The following LEKR1 variants were observed in gnomAD, a reference collection of about 807,000 sequenced individuals.
LEKR1 encodes leucine, glutamate and lysine rich 1, also known as protein LEKR1.
LEKR1 carries 59 observed loss-of-function variants against 72.4 expected under a neutral mutation model. The observed-to-expected ratio is 0.82, with a 90% CI of 0.66 to 1.01. The LOEUF is 1.01. Ranked by LOEUF, LEKR1 falls within the 50% of genes least tolerant of loss-of-function variation. The probability of loss-of-function intolerance (pLI) is 0.00; values close to 1 mark genes in which losing one functional copy is unlikely to be tolerated. For synonymous variants in LEKR1, 257 were observed against 263.2 expected (o/e 0.98, Z 0.23); for missense variants, 728 against 759.2 (o/e 0.96, Z 0.48).
At chr3:157,035,036 T>C (rs954595220) in intron 12 of LEKR1, among the ~76,000 whole-genome samples, 1 of 152,200 alleles carries the variant, frequency 6.6e-6, no homozygotes, top group African/African-American at 2.4e-5. Flanking sequence ...CAGCAGAAGA[T>C]ACAACTTGCT....
chr3:157,006,870 G>C (rs913512268), intron 9 of LEKR1, among the ~76,000 whole-genome samples: 3 of 105,540 alleles, frequency 2.8e-5, no homozygotes, highest in African/African-American at 7.7e-5. Flanking sequence ...AGAAACCAAA[G>C]TATTGATTGC....
chr3:156,979,856 A>T (rs1274278984), intron 7 of LEKR1: 2 of 152,324 alleles, frequency 1.3e-5, no homozygotes, highest in Non-Finnish European at 2.9e-5. Flanking sequence ...CCACAAAAAA[A>T]TACAAAAATT....
intron 7 of LEKR1, among the ~76,000 whole-genome samples, chr3:156,980,936 T>C (rs1182042478): frequency 6.6e-6 from 1 of 152,208 alleles, no homozygotes; most frequent in Non-Finnish European, 1.5e-5. Context: ...CATAATGACA[T>C]TTTGGTCAGT....
At chr3:156,848,173 T>C (rs1325078536) in intron 2 of LEKR1, among the ~76,000 whole-genome samples, 1 of 152,198 alleles carries the variant, frequency 6.6e-6, no homozygotes, top group Non-Finnish European at 1.5e-5. Context: ...AAAATATCCA[T>C]CTGTTCCTAA....
At chr3:156,996,892 C>A (rs967979626) in intron 9 of LEKR1, among the ~76,000 whole-genome samples, 1 of 151,964 alleles carries the variant, frequency 6.6e-6, no homozygotes, top group African/African-American at 2.4e-5. Flanking sequence ...TAGTGAAACC[C>A]CGTCTCTTCT....
At chr3:156,834,342 A>T (rs777464974) in intron 2 of LEKR1, among the ~76,000 whole-genome samples, 6 of 152,198 alleles carry the variant, frequency 3.9e-5, no homozygotes, top group Non-Finnish European at 8.8e-5. Context: ...CTTCCTTTAC[A>T]AGATCAATGT....
chr3:156,944,224 G>T (rs1224819835), intron 6 of LEKR1, among the ~76,000 whole-genome samples: 1 of 151,130 alleles, frequency 6.6e-6, no homozygotes, highest in African/African-American at 2.4e-5. Context: ...AATTTATTTT[G>T]ATTTTATTTA....
chr3:156,918,933 A>G (rs1417590986), intron 3 of LEKR1, among the ~76,000 whole-genome samples: 1 of 152,182 alleles, frequency 6.6e-6, no homozygotes, highest in African/African-American at 2.4e-5. Context: ...GTTGCGAGGT[A>G]CGGCCTCATC....
intron 4 of LEKR1, chr3:156,924,415 A>C (rs1481760399): frequency 1.7e-6 from 1 of 572,854 alleles, no homozygotes; most frequent in Non-Finnish European, 3.1e-6. Context: ...CCAGTGGCTT[A>C]TCTTTTTATT....
chr3:156,970,266 G>A (rs1371266811), intron 6 of LEKR1, among the ~76,000 whole-genome samples: 1 of 152,152 alleles, frequency 6.6e-6, no homozygotes, highest in African/African-American at 2.4e-5. Context: ...TGGAAGTTCT[G>A]GCCAGGGCAA....
intron 6 of LEKR1, among the ~76,000 whole-genome samples, chr3:156,967,196 C>T (rs1051268731): frequency 3.3e-5 from 5 of 152,164 alleles, no homozygotes; most frequent in Non-Finnish European, 7.4e-5. Flanking sequence ...AGCAGAAAAA[C>T]TGGAAACTCT....
chr3:157,016,721 TTGA>T (rs1458976601), intron 10 of LEKR1, among the ~76,000 whole-genome samples: 2 of 152,140 alleles, frequency 1.3e-5, no homozygotes, highest in Non-Finnish European at 2.9e-5. Flanking sequence ...AAAAATATAA[TTGA>T]TGATATTTAT....
chr3:156,899,178 T>G lies in LEKR1; in HGVS notation c.264-21397T>G, dbSNP rs796118110. Among the ~76,000 whole-genome samples, 4 of 151,468 alleles carry G rather than the reference T, an allele frequency of 2.6e-5. No homozygotes were observed. In the South Asian group the frequency reaches 8.3e-4, roughly 31 times the overall value. On this transcript the variant is annotated intron_variant, in intron 3 of 12. Coordinates refer to ENST00000356539, the MANE Select transcript of LEKR1 (RefSeq NM_001004316.3). The stretch of plus-strand genomic sequence containing the variant: ...TCAGGTTTTCATATGTTGGTAATTA[T>G]CAGTACAAATTCAAACTTTCACCTG...
chr3:156,848,919 A>T (rs1714968637), intron 2 of LEKR1, among the ~76,000 whole-genome samples: 1 of 152,140 alleles, frequency 6.6e-6, no homozygotes, highest in Non-Finnish European at 1.5e-5. Flanking sequence ...TTATACTTTA[A>T]GTTTTAGGGT....
chr3:156,854,508 A>G lies in LEKR1; in HGVS notation c.263+1526A>G, dbSNP rs201628070. Among the ~76,000 whole-genome samples the G allele has an allele frequency of 3.4e-5, 5 of 148,716 alleles. No individual in the cohort carries two copies. The East Asian group carries it at 5.9e-4, about 18-fold the overall frequency. ...GATCCTTTATTGTACCTTTACCTTT[A>G]TTACAAATGTATTTTCTTTTCTCTT... On this transcript the variant is annotated intron_variant, in intron 3 of 12. Transcript: ENST00000356539.
intron 5 of LEKR1, among the ~76,000 whole-genome samples, chr3:156,935,668 T>C (rs758911889): frequency 6.6e-6 from 1 of 152,172 alleles, no homozygotes; most frequent in Non-Finnish European, 1.5e-5. Context: ...CCCACTTACA[T>C]GAAAAGATGA....
intron 3 of LEKR1, among the ~76,000 whole-genome samples, chr3:156,859,581 T>G (rs766982125): frequency 6.6e-6 from 1 of 152,158 alleles, no homozygotes. Context: ...TAAAGCTACA[T>G]TGACACATCA....
intron 6 of LEKR1, among the ~76,000 whole-genome samples, chr3:156,960,347 G>A (rs1232585001): frequency 1.3e-5 from 2 of 152,044 alleles, no homozygotes; most frequent in South Asian, 2.1e-4. Context: ...GTGCAGTGGC[G>A]CGATCTCGGC....
intron 12 of LEKR1, among the ~76,000 whole-genome samples, chr3:157,036,577 A>G (rs1327365800): frequency 1.3e-5 from 2 of 152,190 alleles, no homozygotes; most frequent in Non-Finnish European, 2.9e-5. Context: ...CTGTTAGAAG[A>G]TATATGACAG....
Sources: allele counts gnomAD v4.1 joint callset (sites outside exome capture counted in the v4.1 genomes callset), GRCh38; gene constraint gnomAD v4.1.1; transcripts MANE v1.5; gene names NCBI Gene and HGNC (gene_info 2026-07-23, HGNC 2026-07-21).